The following WIPF1 variants were observed in gnomAD, a reference collection of about 807,000 sequenced individuals.
WIPF1 encodes WAS/WASL-interacting protein family member 1.
In WIPF1, 13 loss-of-function variants were observed where a neutral mutation model predicts 35.4. The observed-to-expected ratio is 0.37, with a 90% CI of 0.24 to 0.58. WIPF1 has a LOEUF of 0.58. Among genes scored for constraint, WIPF1 ranks in the 20% least tolerant of loss-of-function variants. The pLI is 0.74. For missense variants in WIPF1, 591 were observed against 667.0 expected, an observed-to-expected ratio of 0.89 and a Z score of 1.25; for synonymous variants, 267 against 266.3, an observed-to-expected ratio of 1.00 and a Z score of -0.02.
chr2:174,635,536 T>G (rs1004024446), intron 1 of WIPF1, among the ~76,000 whole-genome samples: 20 of 147,554 alleles, frequency 1.4e-4, no homozygotes, highest in African/African-American at 2.0e-4. Context: ...TTTGTTTTTT[T>G]TTTTTTTTTT....
intron 1 of WIPF1, among the ~76,000 whole-genome samples, chr2:174,657,768 G>C (rs2105970190): frequency 6.6e-6 from 1 of 152,098 alleles, no homozygotes; most frequent in East Asian, 1.9e-4. Context: ...AAATTAGCTG[G>C]GCGTGGTGGT....
intron 1 of WIPF1, among the ~76,000 whole-genome samples, chr2:174,615,909 A>G (rs1217634496): frequency 6.6e-6 from 1 of 152,234 alleles, no homozygotes; most frequent in African/African-American, 2.4e-5. Flanking sequence ...ATTTGCCAAA[A>G]TTAGTGGATG....
chr2:174,601,290 A>C (rs1344861077), upstream of WIPF1, among the ~76,000 whole-genome samples: 2 of 152,270 alleles, frequency 1.3e-5, no homozygotes, highest in Non-Finnish European at 2.9e-5. Flanking sequence ...AAATGCCAAG[A>C]CTAGACTTAA....
At position 174,590,256 on chromosome 2, in the gene WIPF1, G is replaced by C. The variant is rs1308720644; in HGVS notation, c.-38-4645C>G. On this transcript the variant is annotated intron_variant, in intron 1 of 7. Coordinates refer to ENST00000679041, the MANE Select transcript of WIPF1 (RefSeq NM_001375834.1). The surrounding 1 kb of genome is among the most constrained non-coding windows in gnomAD (Gnocchi z 4.6). ...GTTTTTCCCATCTGTTAAATGGGAA[G>C]TTGCTGAGCAGATTAAATGAAATGG... 6.6e-6 allele frequency among the ~76,000 whole-genome samples: 1 copy of C among 152,206 alleles called. No individual in the cohort carries two copies. The highest frequency in any genetic ancestry group is 2.4e-5 in the African/African-American group (1 of 41,454).
chr2:174,637,184 G>A (rs1687201473), intron 1 of WIPF1, among the ~76,000 whole-genome samples: 2 of 152,060 alleles, frequency 1.3e-5, no homozygotes. Flanking sequence ...TTCGGCCACT[G>A]GGAGCTCTTA....
intron 1 of WIPF1, among the ~76,000 whole-genome samples, chr2:174,643,253 T>A (rs1199382911): frequency 6.7e-6 from 1 of 149,600 alleles, no homozygotes; most frequent in Non-Finnish European, 1.5e-5. Flanking sequence ...ATTTGTTGGG[T>A]TAAGTCAATA....
At chr2:174,669,641 G>A (rs757514944) in intron 1 of WIPF1, among the ~76,000 whole-genome samples, 1 of 152,204 alleles carries the variant, frequency 6.6e-6, no homozygotes, top group African/African-American at 2.4e-5. Context: ...CAGCTACTTG[G>A]GAGGCTGAGA....
At chr2:174,575,121 A>G (rs1685003424) in intron 4 of WIPF1, 83 bp downstream of exon 4, 1 of 1,414,276 alleles carries the variant, frequency 7.1e-7, no homozygotes, top group Non-Finnish European at 9.7e-7. Flanking sequence ...AAGGGCGAAG[A>G]GCCTTAGAGG....
intron 4 of WIPF1, among the ~76,000 whole-genome samples, chr2:174,573,133 A>C (rs988448057): frequency 6.6e-6 from 1 of 152,130 alleles, no homozygotes; most frequent in African/African-American, 2.4e-5. Context: ...TACCACGTCA[A>C]CCTCTGCTTC....
chr2:174,595,109 A>AAAAAAAAATATATAT (rs1553529785), intron 1 of WIPF1, among the ~76,000 whole-genome samples: 5 of 57,746 alleles, frequency 8.7e-5, no homozygotes, highest in African/African-American at 1.8e-4. Flanking sequence ...AAAAAAAAAA[A>AAAAAAAAATATATAT]ATATATATAT....
chr2:174,581,173 C>T (rs1685229743), intron 3 of WIPF1, 137 bp downstream of exon 3: 1 of 1,272,316 alleles, frequency 7.9e-7, no homozygotes. Context: ...GGGAGTGATA[C>T]AGTCCCTTAT....
intron 1 of WIPF1, among the ~76,000 whole-genome samples, chr2:174,680,774 G>A (rs1327414195): frequency 6.6e-6 from 1 of 152,126 alleles, no homozygotes; most frequent in Admixed American, 6.5e-5. Context: ...GCTCATTATA[G>A]CTTTCGTGTC....
intron 1 of WIPF1, among the ~76,000 whole-genome samples, chr2:174,680,245 A>G (rs1688219776): frequency 6.6e-6 from 1 of 152,238 alleles, no homozygotes. Context: ...GAGGATAGCT[A>G]TAACCTCTAG....
upstream of WIPF1, chr2:174,597,840 G>C (rs191148256): frequency 1.7e-4 from 26 of 152,608 alleles, no homozygotes; most frequent in African/African-American, 4.8e-4. Flanking sequence ...TTTGTTGTTT[G>C]TTGTTCCTTC....
chr2:174,580,987 C>T (rs1039649472), intron 3 of WIPF1, among the ~76,000 whole-genome samples: 1 of 152,198 alleles, frequency 6.6e-6, no homozygotes, highest in African/African-American at 2.4e-5. Context: ...AAGGCTAGGG[C>T]TCTTTCCATA....
chr2:174,647,642 C>A (rs1341052935), intron 1 of WIPF1, among the ~76,000 whole-genome samples: 1 of 68,432 alleles, frequency 1.5e-5, no homozygotes, highest in African/African-American at 5.7e-5. Flanking sequence ...CAAAGTGGAC[C>A]CTGTCTTAAA....
chr2:174,621,729 G>A (rs1256025044), intron 1 of WIPF1, among the ~76,000 whole-genome samples: 1 of 152,112 alleles, frequency 6.6e-6, no homozygotes, highest in African/African-American at 2.4e-5. Context: ...AATTACTAAC[G>A]AGATATTTTA....
At chr2:174,575,954 A>G (rs1402263503) in intron 3 of WIPF1, among the ~76,000 whole-genome samples, 1 of 152,132 alleles carries the variant, frequency 6.6e-6, no homozygotes, top group Non-Finnish European at 1.5e-5. Flanking sequence ...ATAATTTCAC[A>G]AATATACAAA....
At chr2:174,664,455 C>A (rs1297325934) in intron 1 of WIPF1, among the ~76,000 whole-genome samples, 2 of 152,218 alleles carry the variant, frequency 1.3e-5, no homozygotes, top group Non-Finnish European at 1.5e-5. Context: ...CTCATCTCTA[C>A]AGAAACCTAC....
Sources: allele counts gnomAD v4.1 joint callset (sites outside exome capture counted in the v4.1 genomes callset), GRCh38; gene constraint gnomAD v4.1.1; non-coding constraint Gnocchi (gnomAD v3.1); transcripts MANE v1.5; gene names NCBI Gene and HGNC (gene_info 2026-07-23, HGNC 2026-07-21).